POLR3B: variants seen among roughly 807,000 people sequenced by gnomAD.
The protein encoded by POLR3B is RNA polymerase III subunit B.
Under a neutral mutation model 147.4 loss-of-function variants are expected in POLR3B, and 96 were observed. That is an observed-to-expected ratio of 0.65 (90% CI 0.55 to 0.77). The LOEUF (loss-of-function observed/expected upper bound fraction) is 0.77. Ranked by LOEUF, POLR3B falls within the 30% of genes least tolerant of loss-of-function variation. The pLI is 0.00. For synonymous variants in POLR3B, 461 were observed against 485.9 expected (o/e 0.95, Z 0.67); for missense variants, 1,036 against 1,413.5 (o/e 0.73, Z 4.28).
chr12:106,392,955 T>C, intron 9 of POLR3B, 76 bp from the exon 10 acceptor site: 1 of 1,588,990 alleles, frequency 6.3e-7, no homozygotes. Flanking sequence ...CCACAAACAA[T>C]GCCAAATTAG....
chr12:106,449,128 G>A (rs144075597), intron 19 of POLR3B, among the ~76,000 whole-genome samples: 143 of 152,226 alleles, frequency 9.4e-4, no homozygotes, highest in African/African-American at 3.3e-3. Context: ...TTGGGGATGG[G>A]ACCCAAGTCT....
chr12:106,365,996 C>T (rs1308805972), intron 2 of POLR3B, among the ~76,000 whole-genome samples: 1 of 152,106 alleles, frequency 6.6e-6, no homozygotes, highest in Non-Finnish European at 1.5e-5. Flanking sequence ...CAGTAACACA[C>T]ATGGAGCTGT....
intron 1 of POLR3B, among the ~76,000 whole-genome samples, chr12:106,363,137 C>G (rs1162152795): frequency 6.6e-6 from 1 of 152,184 alleles, no homozygotes; most frequent in Non-Finnish European, 1.5e-5. Context: ...TCTTCTCCAT[C>G]TACATTCCAT....
Position 106,405,947 on chromosome 12 carries a change from C to G in POLR3B, c.937C>G (p.Leu313Val). 6.2e-7 allele frequency: 1 copy of G among 1,613,870 alleles called. No individual in the cohort carries two copies. The highest frequency in any genetic ancestry group is 8.5e-7 in the Non-Finnish European group (1 of 1,179,830). Residue 313 changes from leucine (L) to valine (V), a missense_variant, in exon 11 of 28, where the codon CTG (leucine) becomes GTG (valine). Leu to Val is a conservative substitution (Grantham distance 32). This residue lies in a region of POLR3B where 217 missense variants were observed against 288.7 expected (regional missense o/e 0.75). Transcript: ENST00000228347. ...CAAAATAGAAGAAGCAAGAGAGCTC[C>G]TGGCTTCCACCATTCTGACCCATGT... is the stretch of plus-strand genomic sequence containing the variant. ...KTKIEEARELLASTILTHVPV... is the reference protein window; with the variant it reads ...KTKIEEARELVASTILTHVPV...
At chr12:106,501,503 T>G in intron 26 of POLR3B, 67 bp downstream of exon 26, 1 of 996,958 alleles carries the variant, frequency 1.0e-6, no homozygotes. Flanking sequence ...TTTCCAGATA[T>G]GGCAAAAAGC....
In POLR3B at chr12:106,496,088, T is replaced by A; in HGVS notation, c.2747T>A (p.Met916Lys). 1 of 1,612,806 alleles carries A rather than the reference T, an allele frequency of 6.2e-7. No individual in the cohort carries two copies. Among genetic ancestry groups the A allele is most frequent in the Non-Finnish European group, 8.5e-7 (1 of 1,178,790 alleles). ...VCGLIVPQED[M>K]PFCDSGICPD... ...GGCTTGATCGTCCCCCAGGAAGACA[T>A]GCCATTTTGTGATTCTGGCATCTGT... Residue 916 changes from methionine (M) to lysine (K), a missense_variant, in exon 24 of 28, where the codon ATG becomes AAG. Physicochemically the swap from Met to Lys is moderately conservative, Grantham distance 95. Transcript: ENST00000228347.
chr12:106,477,154 G>A (rs1226141012), intron 23 of POLR3B, among the ~76,000 whole-genome samples: 1 of 136,774 alleles, frequency 7.3e-6, no homozygotes, highest in South Asian at 2.5e-4. Flanking sequence ...GCCCCTGCTG[G>A]GGGGTGCCTC....
At chr12:106,490,051 T>C (rs1364589733) in intron 23 of POLR3B, among the ~76,000 whole-genome samples, 5 of 152,232 alleles carry the variant, frequency 3.3e-5, no homozygotes, top group South Asian at 2.1e-4. Flanking sequence ...AGATACCTTA[T>C]TGGAAGAAGA....
At chr12:106,433,687 TTC>T (rs1375390547) in intron 15 of POLR3B, 30 bp from the exon 16 acceptor site, 8 of 1,591,822 alleles carry the variant, frequency 5.0e-6, no homozygotes, top group Non-Finnish European at 6.9e-6. Flanking sequence ...TATTTTTTAT[TTC>T]TGTCTTACCT....
At chr12:106,482,946 C>T (rs1210346678) in intron 23 of POLR3B, among the ~76,000 whole-genome samples, 1 of 152,136 alleles carries the variant, frequency 6.6e-6, no homozygotes, top group Non-Finnish European at 1.5e-5. Context: ...TGAGATGCCT[C>T]ATTTTTATCT....
intron 23 of POLR3B, among the ~76,000 whole-genome samples, chr12:106,465,666 A>G (rs760094984): frequency 1.3e-5 from 2 of 152,012 alleles, no homozygotes; most frequent in Non-Finnish European, 2.9e-5. Context: ...CCTGTGTCCA[A>G]GTGTTCTCAT....
chr12:106,396,345 G>A (rs2036979119), intron 10 of POLR3B, among the ~76,000 whole-genome samples: 1 of 152,172 alleles, frequency 6.6e-6, no homozygotes, highest in Non-Finnish European at 1.5e-5. Flanking sequence ...TTACTACTAG[G>A]TCACTGCAGC....
chr12:106,437,707 G>A lies in POLR3B; in HGVS notation c.1883G>A (p.Ser628Asn). ...YRNFEDFLHE[S>N]LVEYLDVNEE... ...AATTTTGAAGATTTCTTACATGAGA[G>A]TCTGGTTGAATATTTAGATGTGAAT... Residue 628 changes from serine (S) to asparagine (N), a missense_variant, in exon 18 of 28, where the codon AGT becomes AAT. Ser to Asn is a conservative substitution (Grantham distance 46). This residue lies in a region of POLR3B where 177 missense variants were observed against 232.7 expected (regional missense o/e 0.76). Transcript: ENST00000228347. 6.2e-7 allele frequency: 1 copy of A among 1,601,880 alleles called. No homozygotes were observed. Among genetic ancestry groups the A allele is most frequent in the Non-Finnish European group, 8.6e-7 (1 of 1,169,056 alleles).
chr12:106,476,893 T>G (rs1442647680), intron 23 of POLR3B, among the ~76,000 whole-genome samples: 1 of 151,980 alleles, frequency 6.6e-6, no homozygotes, highest in African/African-American at 2.4e-5. Context: ...CCATCCAGCT[T>G]TGTTCCGTTG....
At chr12:106,403,132 A>G (rs1206408682) in intron 10 of POLR3B, among the ~76,000 whole-genome samples, 8 of 152,082 alleles carry the variant, frequency 5.3e-5, no homozygotes, top group African/African-American at 1.4e-4. Context: ...AAACAACCCC[A>G]TCAAAAAGTG....
rs1393435380 is a variant in POLR3B at position 106,357,849 on chromosome 12, T to C, written c.-31T>C. The stretch of plus-strand genomic sequence containing the variant: ...GTGCAGGGAAGGCGGGCGCGGAGGT[T>C]CTATCTGTTTCTTCCTCCTTCGTGA... On this transcript the variant is annotated 5_prime_UTR_variant, in exon 1 of 28. Coordinates refer to ENST00000228347, the MANE Select transcript of POLR3B (RefSeq NM_018082.6). 5 of 1,607,470 alleles carry C rather than the reference T, an allele frequency of 3.1e-6. No individual in the cohort carries two copies. Among genetic ancestry groups the C allele is most frequent in the Non-Finnish European group, 4.2e-6 (5 of 1,176,528 alleles).
At chr12:106,363,409 A>G (rs1042359988) in intron 1 of POLR3B, among the ~76,000 whole-genome samples, 3 of 152,148 alleles carry the variant, frequency 2.0e-5, no homozygotes, top group Non-Finnish European at 2.9e-5. Flanking sequence ...TGCTCAGGCA[A>G]TGTAGGAAGC....
At chr12:106,360,257 A>G (rs892255789) in intron 1 of POLR3B, among the ~76,000 whole-genome samples, 1 of 152,186 alleles carries the variant, frequency 6.6e-6, no homozygotes, top group Non-Finnish European at 1.5e-5. Flanking sequence ...AAGTTCTTCA[A>G]TCTCTGCCTA....
chr12:106,509,485 T>C lies in POLR3B; in HGVS notation c.3338T>C (p.Leu1113Pro), dbSNP rs751882154. 1.2e-6 allele frequency: 2 copies of C among 1,611,840 alleles called. No individual in the cohort carries two copies. Among genetic ancestry groups the C allele is most frequent in the East Asian group, 2.2e-5 (1 of 44,876 alleles). The change falls in exon 28 of 28, where the codon CTC becomes CCC. Residue 1113 changes from leucine (L) to proline (P), a missense_variant. Leu to Pro is a moderately conservative substitution (Grantham distance 98, BLOSUM62 -3). Coordinates refer to ENST00000228347, the MANE Select transcript of POLR3B (RefSeq NM_018082.6). ...SLRIPYACKL[L>P]FQELQSMNII... ...CGTATTCCGTATGCCTGCAAGCTGC[T>C]CTTCCAGGAACTACAGTCTATGAAC...
Sources: allele counts gnomAD v4.1 joint callset (sites outside exome capture counted in the v4.1 genomes callset), GRCh38; gene constraint gnomAD v4.1.1; regional missense constraint gnomAD v4.1.1; transcripts MANE v1.5; gene names NCBI Gene and HGNC (gene_info 2026-07-23, HGNC 2026-07-21).